TANC2: variants seen among roughly 807,000 people sequenced by gnomAD.
The protein encoded by TANC2 is protein TANC2.
A neutral mutation model predicts 210.5 loss-of-function variants in TANC2; 26 were observed. That is an observed-to-expected ratio of 0.12 (90% CI 0.09 to 0.17). The LOEUF (loss-of-function observed/expected upper bound fraction) is 0.17. TANC2 is among the 10% of genes least tolerant of loss of function. The pLI, the probability that TANC2 is intolerant of heterozygous loss-of-function variation, is 1.00. For missense variants in TANC2, 2,129 were observed against 2,608.9 expected, an observed-to-expected ratio of 0.82 and a Z score of 4.01; for synonymous variants, 931 against 967.1, an observed-to-expected ratio of 0.96 and a Z score of 0.69.
At chr17:63,289,368 A>G (rs1406037726) in intron 9 of TANC2, among the ~76,000 whole-genome samples, 1 of 151,544 alleles carries the variant, frequency 6.6e-6, no homozygotes, top group Non-Finnish European at 1.5e-5. Context: ...GGTTTTTTTC[A>G]GTCTTCGTTC....
At chr17:63,346,146 A>G (rs147898246) in intron 12 of TANC2, among the ~76,000 whole-genome samples, 1 of 152,332 alleles carries the variant, frequency 6.6e-6, no homozygotes, top group African/African-American at 2.4e-5. Context: ...ACAGACCTAA[A>G]TAGAAAAGTT....
At chr17:63,423,901 T>TCCTCTCTCCATCTCTATACC (rs2049082855) in exon 28 of TANC2, 1 of 152,312 alleles carries the variant, frequency 6.6e-6, no homozygotes, top group East Asian at 1.9e-4. Context: ...GGCATCAGCG[T>TCCTCTCTCCATCTCTATACC]CCTCTCTCCA....
chr17:63,003,873 GAGAC>G (rs2033494053), intron 1 of TANC2, among the ~76,000 whole-genome samples: 1 of 152,058 alleles, frequency 6.6e-6, no homozygotes, highest in Non-Finnish European at 1.5e-5. Flanking sequence ...TGTAAATAGT[GAGAC>G]AGTCTGTTTT....
intron 11 of TANC2, among the ~76,000 whole-genome samples, chr17:63,334,976 A>T (rs1203090020): frequency 1.3e-5 from 2 of 152,116 alleles, no homozygotes; most frequent in African/African-American, 4.8e-5. Context: ...GAGGTGCTAC[A>T]CACTTTTAAA....
intron 8 of TANC2, among the ~76,000 whole-genome samples, chr17:63,240,674 G>C (rs566857478): frequency 2.0e-5 from 3 of 152,252 alleles, no homozygotes; most frequent in African/African-American, 7.2e-5. Context: ...ATGTTTTGCT[G>C]TTGGTCTCAG....
chr17:63,083,627 ACTT>A (rs2036857168), intron 3 of TANC2, among the ~76,000 whole-genome samples: 1 of 152,212 alleles, frequency 6.6e-6, no homozygotes, highest in African/African-American at 2.4e-5. Context: ...ACTCAGTACC[ACTT>A]CAGAACTTTA....
At chr17:63,243,521 G>T (rs1044576965) in intron 8 of TANC2, among the ~76,000 whole-genome samples, 2 of 152,140 alleles carry the variant, frequency 1.3e-5, no homozygotes, top group Admixed American at 1.3e-4. Context: ...ACACACTACT[G>T]TTACAACATC....
At chr17:63,094,240 G>A (rs190428550) in intron 3 of TANC2, among the ~76,000 whole-genome samples, 234 of 151,834 alleles carry the variant, frequency 1.5e-3, no homozygotes, top group Middle Eastern at 0.014. Context: ...TAAACTTCTC[G>A]GGGCCTGTTT....
intron 1 of TANC2, among the ~76,000 whole-genome samples, chr17:62,973,718 T>C (rs922929724): frequency 1.3e-5 from 2 of 152,212 alleles, no homozygotes; most frequent in African/African-American, 4.8e-5. Context: ...TGATTTTCTT[T>C]GTACAATGCA....
chr17:63,159,710 G>A (rs2039959656), intron 5 of TANC2, among the ~76,000 whole-genome samples: 1 of 152,110 alleles, frequency 6.6e-6, no homozygotes, highest in South Asian at 2.1e-4. Context: ...TATACGGGAG[G>A]ATATACGTAG....
intron 2 of TANC2, among the ~76,000 whole-genome samples, chr17:63,035,943 C>A (rs954657020): frequency 3.9e-5 from 6 of 152,130 alleles, no homozygotes; most frequent in African/African-American, 1.2e-4. Context: ...TTGCATTTCT[C>A]TGATGGCTAA....
intron 9 of TANC2, among the ~76,000 whole-genome samples, chr17:63,276,515 G>A (rs1011449976): frequency 7.5e-6 from 1 of 133,036 alleles, no homozygotes; most frequent in East Asian, 2.1e-4. Flanking sequence ...TTTTTTAACT[G>A]TTCTCCAAAG....
chr17:63,324,806 A>G (rs2045595787), intron 11 of TANC2, among the ~76,000 whole-genome samples: 1 of 152,094 alleles, frequency 6.6e-6, no homozygotes, highest in Admixed American at 6.5e-5. Context: ...TCAGTGTTTA[A>G]ATGTTCACCA....
intron 16 of TANC2, 45 bp downstream of exon 16, chr17:63,388,802 G>T (rs971451440): frequency 2.1e-5 from 29 of 1,408,028 alleles, no homozygotes; most frequent in Non-Finnish European, 2.6e-5. Flanking sequence ...AATTAACTAT[G>T]AAAAAATAAA....
Position 63,404,638 on chromosome 17 carries a change from A to G in TANC2, c.3332-484A>G, listed in dbSNP as rs534929414. 2.6e-3 allele frequency among the ~76,000 whole-genome samples: 396 copies of G among 152,320 alleles called. 1 individual carries two copies. The highest frequency in any genetic ancestry group is 4.2e-3 in the Non-Finnish European group (284 of 68,024). ...AACTGGCCCAAGACCTTGGACTGCA[A>G]TTCCTAACTTTGGTTCTCTAGGCTT... is the stretch of plus-strand genomic sequence containing the variant. On this transcript the variant is annotated intron_variant, in intron 19 of 27. Transcript: ENST00000689528.
chr17:63,176,164 CTT>C (rs1025590111), intron 5 of TANC2, among the ~76,000 whole-genome samples: 1 of 152,166 alleles, frequency 6.6e-6, no homozygotes, highest in African/African-American at 2.4e-5. Flanking sequence ...AAATTATAAA[CTT>C]TATAACTCAG....
chr17:63,423,140 TTATC>T (rs1373443449), exon 28 of TANC2: 2 of 152,200 alleles, frequency 1.3e-5, no homozygotes, highest in Non-Finnish European at 2.9e-5. Flanking sequence ...TATAGTTTGA[TTATC>T]TATTATTACA....
At chr17:63,082,897 C>T (rs1320754784) in intron 3 of TANC2, among the ~76,000 whole-genome samples, 1 of 152,150 alleles carries the variant, frequency 6.6e-6, no homozygotes, top group African/African-American at 2.4e-5. Flanking sequence ...GTCAGGTATT[C>T]ACATGGGGCA....
At chr17:62,997,514 A>G (rs1477067860) in intron 1 of TANC2, among the ~76,000 whole-genome samples, 1 of 152,204 alleles carries the variant, frequency 6.6e-6, no homozygotes, top group East Asian at 1.9e-4. Flanking sequence ...TTTGTATTCA[A>G]AAGGACTCTG....
Sources: gnomAD v4.1 joint callset for allele counts (sites outside exome capture counted in the v4.1 genomes callset) on GRCh38, gnomAD v4.1.1 for gene constraint, MANE v1.5 for transcripts, NCBI Gene and HGNC (gene_info 2026-07-23, HGNC 2026-07-21) for gene names.